The following IFTAP variants were observed in gnomAD, a reference collection of about 807,000 sequenced individuals.
The protein encoded by IFTAP is intraflagellar transport-associated protein.
In IFTAP, 19 loss-of-function variants were observed where a neutral mutation model predicts 19.4. That is an observed-to-expected ratio of 0.98 (90% CI 0.68 to 1.44). The LOEUF (loss-of-function observed/expected upper bound fraction) is 1.44, where lower values mean the gene tolerates loss of function less well. Ranked by LOEUF, IFTAP falls within the 40% of genes most tolerant of loss-of-function variation. The pLI is 0.00. For synonymous variants in IFTAP, 85 were observed against 83.5 expected, an observed-to-expected ratio of 1.02 and a Z score of -0.10; for missense variants, 240 against 253.6, an observed-to-expected ratio of 0.95 and a Z score of 0.36.
At position 36,596,213 on chromosome 11, in the gene IFTAP, TTTTTTTTTG is replaced by T. The variant is rs1029199779; in HGVS notation, c.-24+1630_-24+1638del. 5.9e-4 allele frequency among the ~76,000 whole-genome samples: 81 copies of T among 136,586 alleles called. No homozygotes were observed. In the South Asian group the frequency reaches 0.017, roughly 28 times the overall value. 89.6% of individuals were successfully genotyped at this position (136,586 alleles called of 152,430 possible). A position where few individuals can be genotyped will look rare whatever the true frequency, so the allele number is the denominator to read the frequency against. On this transcript the variant is annotated intron_variant, in intron 1 of 5. Transcript: ENST00000334307. ...GGTCACTCTAATGAGATGGTAGTGT[TTTTTTTTTG>T]TTTTTTTTTTTTTTTGCTTTAAAGA...
intron 2 of IFTAP, among the ~76,000 whole-genome samples, chr11:36,616,629 T>C (rs912740531): frequency 6.6e-6 from 1 of 151,938 alleles, no homozygotes; most frequent in Non-Finnish European, 1.5e-5. Context: ...TGTATAATCA[T>C]GAGATTAATC....
intron 1 of IFTAP, among the ~76,000 whole-genome samples, chr11:36,605,032 G>C (rs77093985): frequency 0.012 from 1,815 of 151,116 alleles, 22 homozygotes; most frequent in East Asian, 0.031. Context: ...TCTGCAGTTA[G>C]AGTGCAGTTT....
At chr11:36,647,812 T>G (rs1262279011) in intron 4 of IFTAP, among the ~76,000 whole-genome samples, 1 of 152,066 alleles carries the variant, frequency 6.6e-6, no homozygotes, top group Non-Finnish European at 1.5e-5. Context: ...AACGATAAAA[T>G]AAAAATAAAT....
At chr11:36,616,462 T>C (rs527716845) in intron 2 of IFTAP, among the ~76,000 whole-genome samples, 1 of 151,982 alleles carries the variant, frequency 6.6e-6, no homozygotes, top group Non-Finnish European at 1.5e-5. Context: ...GAATTGACTT[T>C]CCTATTAGGT....
At chr11:36,613,763 G>T (rs979292098) in intron 2 of IFTAP, among the ~76,000 whole-genome samples, 5 of 152,008 alleles carry the variant, frequency 3.3e-5, no homozygotes, top group African/African-American at 1.2e-4. Flanking sequence ...ATGTTAAAAT[G>T]CCTCCATTGG....
intron 2 of IFTAP, among the ~76,000 whole-genome samples, chr11:36,630,748 A>G (rs1426227395): frequency 2.6e-5 from 4 of 151,320 alleles, no homozygotes; most frequent in Non-Finnish European, 5.9e-5. Context: ...TGCTGGGTAC[A>G]TAGTATTTTC....
At chr11:36,627,051 A>G (rs1320819905) in intron 2 of IFTAP, among the ~76,000 whole-genome samples, 3 of 151,364 alleles carry the variant, frequency 2.0e-5, no homozygotes, top group Admixed American at 1.3e-4. Context: ...ACAAACTTCA[A>G]TAAGGTTATG....
At chr11:36,626,854 T>C (rs1454970209) in intron 2 of IFTAP, among the ~76,000 whole-genome samples, 1 of 151,000 alleles carries the variant, frequency 6.6e-6, no homozygotes, top group African/African-American at 2.5e-5. Context: ...TTTCATCATG[T>C]GGGGCAGCAT....
At chr11:36,632,771 A>G (rs1438437750) in intron 2 of IFTAP, among the ~76,000 whole-genome samples, 1 of 151,330 alleles carries the variant, frequency 6.6e-6, no homozygotes, top group African/African-American at 2.5e-5. Flanking sequence ...TGAGTTATGT[A>G]CAGTATGATT....
chr11:36,653,533 T>C (rs1853834934), intron 5 of IFTAP, among the ~76,000 whole-genome samples: 1 of 152,174 alleles, frequency 6.6e-6, no homozygotes. Context: ...TGGCATCTTA[T>C]AGCTTTGAAC....
chr11:36,651,524 T>C (rs1273520816), intron 5 of IFTAP, among the ~76,000 whole-genome samples: 1 of 152,200 alleles, frequency 6.6e-6, no homozygotes, highest in Non-Finnish European at 1.5e-5. Context: ...CTGAGGGTAG[T>C]TTCTTTTGCT....
chr11:36,652,981 A>G (rs927724960), intron 5 of IFTAP, among the ~76,000 whole-genome samples: 1 of 152,008 alleles, frequency 6.6e-6, no homozygotes, highest in African/African-American at 2.4e-5. Context: ...GAGGATGAAA[A>G]TTTGTGATAC....
At chr11:36,607,280 T>C (rs1851727109) in intron 1 of IFTAP, among the ~76,000 whole-genome samples, 1 of 152,220 alleles carries the variant, frequency 6.6e-6, no homozygotes, top group Non-Finnish European at 1.5e-5. Context: ...TGAGATGCCA[T>C]GCGTACTCGT....
At chr11:36,651,461 C>T (rs1853724507) in intron 5 of IFTAP, among the ~76,000 whole-genome samples, 2 of 152,146 alleles carry the variant, frequency 1.3e-5, no homozygotes, top group African/African-American at 4.8e-5. Context: ...AGCCCTTTGT[C>T]AGATGAGTAG....
At chr11:36,596,239 C>CTTTTTTTTTTTTTTTTTTT (rs1221504218) in intron 1 of IFTAP, among the ~76,000 whole-genome samples, 10 of 75,666 alleles carry the variant, frequency 1.3e-4, no homozygotes, top group African/African-American at 4.8e-4. Context: ...TTTTTTTTTG[C>CTTTTTTTTTTTTTTTTTTT]TTTAAAGAAC....
intron 2 of IFTAP, among the ~76,000 whole-genome samples, chr11:36,624,869 C>T (rs1852450271): frequency 6.6e-6 from 1 of 152,090 alleles, no homozygotes; most frequent in Non-Finnish European, 1.5e-5. Flanking sequence ...TTATCTATAT[C>T]TCTTACTGTT....
chr11:36,627,921 T>C (rs1852577069), intron 2 of IFTAP, among the ~76,000 whole-genome samples: 1 of 151,274 alleles, frequency 6.6e-6, no homozygotes, highest in South Asian at 2.1e-4. Context: ...ACGTGATGAT[T>C]CTGTGATATC....
chr11:36,614,695 T>G (rs1031346412), intron 2 of IFTAP, among the ~76,000 whole-genome samples: 5 of 148,072 alleles, frequency 3.4e-5, no homozygotes, highest in Non-Finnish European at 6.0e-5. Flanking sequence ...TTTCATGTGT[T>G]TTTTGGCTGC....
chr11:36,652,611 G>A (rs1327748062), intron 5 of IFTAP, among the ~76,000 whole-genome samples: 2 of 152,140 alleles, frequency 1.3e-5, no homozygotes, highest in Non-Finnish European at 2.9e-5. Flanking sequence ...TGGTGAAAGA[G>A]GGCATCCCTA....
Sources: allele counts gnomAD v4.1 joint callset (sites outside exome capture counted in the v4.1 genomes callset), GRCh38; gene constraint gnomAD v4.1.1; transcripts MANE v1.5; gene names NCBI Gene and HGNC (gene_info 2026-07-23, HGNC 2026-07-21).